Variants in SLC12A8 observed in about 807,000 individuals in gnomAD.
SLC12A8 encodes the protein solute carrier family 12 member 8, also known as cation-chloride cotransporter 9.
In SLC12A8, 69 loss-of-function variants were observed where a neutral mutation model predicts 75.6. The ratio of observed to expected loss-of-function variants is 0.91; its 90% CI spans 0.75 to 1.11. The LOEUF is 1.11. Among genes scored for constraint, SLC12A8 ranks in the 50% most tolerant of loss-of-function variants. The pLI, the probability that SLC12A8 is intolerant of heterozygous loss-of-function variation, is 0.00. For missense variants in SLC12A8, 877 were observed against 896.7 expected (o/e 0.98, Z 0.28); for synonymous variants, 365 against 372.8 (o/e 0.98, Z 0.24).
Position 125,130,363 on chromosome 3 carries a change from G to A in SLC12A8, c.736+5306C>T, listed in dbSNP as rs182576344. ...ACTTTTGGAGGTGGGAGGTCGAGGCGGGTGGATCACTTGAGGTCAAGAGTT... is the reference window on the plus strand; with the variant it reads ...ACTTTTGGAGGTGGGAGGTCGAGGCAGGTGGATCACTTGAGGTCAAGAGTT... On this transcript the variant is annotated intron_variant, in intron 6 of 13. Coordinates refer to ENST00000469902, the MANE Select transcript of SLC12A8 (RefSeq NM_024628.6). Among the ~76,000 whole-genome samples the A allele has an allele frequency of 1.1e-3, 171 of 152,090 alleles. 2 individuals carry two copies. The highest frequency in any genetic ancestry group is 0.01 in the Admixed American group (160 of 15,270).
At chr3:125,188,832 C>A (rs1934851589) in intron 3 of SLC12A8, among the ~76,000 whole-genome samples, 1 of 152,150 alleles carries the variant, frequency 6.6e-6, no homozygotes, top group South Asian at 2.1e-4. Flanking sequence ...TGAGACCCAC[C>A]CTGGCTGTGG....
intron 5 of SLC12A8, among the ~76,000 whole-genome samples, chr3:125,169,470 A>G (rs1934362962): frequency 6.6e-6 from 1 of 152,124 alleles, no homozygotes; most frequent in African/African-American, 2.4e-5. Context: ...GGAAGTTTGG[A>G]GATGAAATGA....
intron 4 of SLC12A8, among the ~76,000 whole-genome samples, chr3:125,183,794 A>G (rs1333586594): frequency 8.6e-5 from 13 of 151,926 alleles, no homozygotes; most frequent in Admixed American, 8.5e-4. Flanking sequence ...AGGCCCACAC[A>G]GGTAAGTGGA....
At chr3:125,116,207 T>G (rs898434593) in intron 8 of SLC12A8, among the ~76,000 whole-genome samples, 23 of 152,222 alleles carry the variant, frequency 1.5e-4, no homozygotes, top group Non-Finnish European at 2.9e-4. Flanking sequence ...GCTGCTATTT[T>G]GAAGTCATCA....
At chr3:125,143,422 G>C (rs1406829737) in intron 5 of SLC12A8, among the ~76,000 whole-genome samples, 1 of 152,262 alleles carries the variant, frequency 6.6e-6, no homozygotes, top group African/African-American at 2.4e-5. Flanking sequence ...AAAGAGTCCT[G>C]GGCGTGAGCC....
chr3:125,177,430 A>G (rs2107788231), intron 5 of SLC12A8, among the ~76,000 whole-genome samples: 1 of 152,178 alleles, frequency 6.6e-6, no homozygotes, highest in African/African-American at 2.4e-5. Flanking sequence ...ATATGTAACA[A>G]ACCTGCATGT....
At chr3:125,202,808 C>A (rs550783679) in intron 2 of SLC12A8, among the ~76,000 whole-genome samples, 2 of 152,120 alleles carry the variant, frequency 1.3e-5, no homozygotes, top group East Asian at 3.9e-4. Context: ...TAATGAGAAG[C>A]CGGGCACGGT....
At chr3:125,086,370 A>T (rs1360906717) in intron 13 of SLC12A8, among the ~76,000 whole-genome samples, 2 of 152,142 alleles carry the variant, frequency 1.3e-5, no homozygotes, top group Non-Finnish European at 2.9e-5. Flanking sequence ...GTCCTTTTCT[A>T]AGAATAATCT....
intron 2 of SLC12A8, among the ~76,000 whole-genome samples, chr3:125,203,783 T>C (rs956205253): frequency 1.3e-5 from 2 of 152,114 alleles, no homozygotes; most frequent in Admixed American, 1.3e-4. Flanking sequence ...AAGGAAACAG[T>C]AGAGTGAAAA....
intron 2 of SLC12A8, among the ~76,000 whole-genome samples, chr3:125,200,371 C>T (rs960463125): frequency 2.0e-5 from 3 of 152,112 alleles, no homozygotes; most frequent in Admixed American, 6.5e-5. Flanking sequence ...ATCATCTGAG[C>T]CTGGGAGGTT....
intron 10 of SLC12A8, 148 bp from the exon 11 acceptor site, chr3:125,092,346 G>T (rs953952062): frequency 1.5e-5 from 8 of 549,006 alleles, no homozygotes; most frequent in Non-Finnish European, 2.3e-5. Flanking sequence ...AAGGAAGAAA[G>T]AAGTGTTTAT....
chr3:125,105,264 A>G (rs1938995831), intron 10 of SLC12A8, among the ~76,000 whole-genome samples: 1 of 152,182 alleles, frequency 6.6e-6, no homozygotes, highest in Non-Finnish European at 1.5e-5. Context: ...AAAACTATGT[A>G]AAAGCATGAC....
At chr3:125,155,416 CTG>C (rs947643650) in intron 5 of SLC12A8, among the ~76,000 whole-genome samples, 2 of 151,932 alleles carry the variant, frequency 1.3e-5, no homozygotes, top group Non-Finnish European at 2.9e-5. Context: ...GATAAGGACA[CTG>C]TGAGATTCTG....
chr3:125,155,621 A>ATTAGCCGGGGGTG (rs578023995), intron 5 of SLC12A8, among the ~76,000 whole-genome samples: 2 of 120,710 alleles, frequency 1.7e-5, no homozygotes, highest in Admixed American at 8.7e-5. Flanking sequence ...AATACAAAAA[A>ATTAGCCGGGGGTG]GTAGCTGTAG....
chr3:125,190,340 C>T lies in SLC12A8; in HGVS notation c.198+35G>A, dbSNP rs375461396. 2.2e-4 allele frequency: 360 copies of T among 1,610,640 alleles called. 1 individual carries two copies. The East Asian group carries it at 5.2e-3, about 23-fold the overall frequency. On this transcript the variant is annotated intron_variant, in intron 3 of 13. Transcript: ENST00000469902. ...TGGCAGAGCTTTCCTGTCTTGGGCC[C>T]GTGAGAGGCTCCAGGCCACCAACTC...
At chr3:125,161,593 G>A (rs972242868) in intron 5 of SLC12A8, among the ~76,000 whole-genome samples, 13 of 151,586 alleles carry the variant, frequency 8.6e-5, no homozygotes, top group African/African-American at 2.2e-4. Flanking sequence ...GAGACTCTTC[G>A]TCCCAGCTAT....
At chr3:125,162,451 G>A (rs976373205) in intron 5 of SLC12A8, among the ~76,000 whole-genome samples, 1 of 152,164 alleles carries the variant, frequency 6.6e-6, no homozygotes, top group Non-Finnish European at 1.5e-5. Flanking sequence ...GGGTCCCTTA[G>A]ATCACGTCAC....
At chr3:125,176,404 C>G (rs1044196634) in intron 5 of SLC12A8, among the ~76,000 whole-genome samples, 4 of 152,148 alleles carry the variant, frequency 2.6e-5, no homozygotes, top group Non-Finnish European at 2.9e-5. Context: ...TAAAAGGACA[C>G]ATAGGCATGG....
chr3:125,187,259 C>A lies in SLC12A8; in HGVS notation c.368G>T (p.Gly123Val). Residue 123 changes from glycine (G) to valine (V), a missense_variant, in exon 4 of 14, where the codon GGG (glycine) becomes GTG (valine). By Grantham distance (109) the Gly-to-Val change is moderately radical. Coordinates refer to ENST00000469902, the MANE Select transcript of SLC12A8 (RefSeq NM_024628.6). ...VLGGQTGGTIGLLYVFGQCVA... is the reference protein window; with the variant it reads ...VLGGQTGGTIVLLYVFGQCVA... ...CACCTGTCCAAACACATAGAGCAGC[C>A]CGATGGTGCCTCCCGTCTGCCCACC... 4 of 1,614,144 alleles carry A rather than the reference C, an allele frequency of 2.5e-6. No individual in the cohort carries two copies. Among genetic ancestry groups the A allele is most frequent in the Non-Finnish European group, 3.4e-6 (4 of 1,180,012 alleles).
Sources: allele counts gnomAD v4.1 joint callset (sites outside exome capture counted in the v4.1 genomes callset), GRCh38; gene constraint gnomAD v4.1.1; transcripts MANE v1.5; gene names NCBI Gene and HGNC (gene_info 2026-07-23, HGNC 2026-07-21).